Variants in MARCHF1 observed in about 807,000 individuals in gnomAD.
MARCHF1 encodes the protein E3 ubiquitin-protein ligase MARCHF1.
In MARCHF1, 40 loss-of-function variants were observed where a neutral mutation model predicts 54.2. The observed-to-expected ratio is 0.74, with a 90% CI of 0.57 to 0.96. MARCHF1 has a LOEUF of 0.96. MARCHF1 is among the 40% of genes least tolerant of loss of function. The pLI is 0.00. For synonymous variants in MARCHF1, 236 were observed against 236.3 expected, an observed-to-expected ratio of 1.00 and a Z score of 0.01; for missense variants, 586 against 656.5, an observed-to-expected ratio of 0.89 and a Z score of 1.17.
Position 164,213,395 on chromosome 4 carries a change from G to A in MARCHF1, c.-322-101733C>T, listed in dbSNP as rs183937885. 2.8e-3 allele frequency among the ~76,000 whole-genome samples: 427 copies of A among 151,718 alleles called. 1 individual carries two copies. Among genetic ancestry groups the A allele is most frequent in the Non-Finnish European group, 5.0e-3 (340 of 67,858 alleles). ...ACTACAGGTGCCTGCCACCATGCCC[G>A]GCTAAATTTTTGTATTTTTTTAGTA... On this transcript the variant is annotated intron_variant, in intron 1 of 9. Transcript: ENST00000514618.
At chr4:164,060,795 T>A (rs868718170) in intron 2 of MARCHF1, among the ~76,000 whole-genome samples, 1 of 152,198 alleles carries the variant, frequency 6.6e-6, no homozygotes, top group East Asian at 1.9e-4. Flanking sequence ...TGGACTCTTA[T>A]AAGCAACAAC....
chr4:164,072,467 G>A lies in MARCHF1; in HGVS notation c.-248+39121C>T, dbSNP rs533114029. ...TCCCAGCTACTCAGGAGGCTGAGGC[G>A]GGAGGATCACCTGAGCTCAGGAGTT... On this transcript the variant is annotated intron_variant, in intron 2 of 9. Transcript: ENST00000514618. Among the ~76,000 whole-genome samples, 76 of 152,138 alleles carry A rather than the reference G, an allele frequency of 5.0e-4. 1 individual carries two copies. The highest frequency in any genetic ancestry group is 1.6e-3 in the African/African-American group (65 of 41,524).
chr4:163,700,920 T>C (rs1744793130), intron 4 of MARCHF1, 57 bp from the exon 5 acceptor site: 7 of 1,201,828 alleles, frequency 5.8e-6, no homozygotes, highest in South Asian at 5.2e-5. Flanking sequence ...TTCACCATAC[T>C]GTACCACTGA....
chr4:164,070,995 G>A lies in MARCHF1; in HGVS notation c.-248+40593C>T, dbSNP rs541344693. ...TGCTTCTTTGTCATTTTCTCTTGCC[G>A]CTGCCATGTAAAAAGAGCCTTTCGC... On this transcript the variant is annotated intron_variant, in intron 2 of 9. Transcript: ENST00000514618. Among the ~76,000 whole-genome samples the A allele has an allele frequency of 8.5e-5, 13 of 152,194 alleles. No individual in the cohort carries two copies. In the East Asian group the frequency reaches 1.5e-3, roughly 18 times the overall value.
At chr4:163,660,922 C>T (rs565992436) in intron 5 of MARCHF1, among the ~76,000 whole-genome samples, 178 of 152,060 alleles carry the variant, frequency 1.2e-3, no homozygotes, top group African/African-American at 4.1e-3. Context: ...ATAATTTTCA[C>T]TCTGATTCTT....
At chr4:163,975,164 GCTCT>G (rs55675178) in intron 3 of MARCHF1, among the ~76,000 whole-genome samples, 10,388 of 126,748 alleles carry the variant, frequency 0.082, 472 homozygotes, top group Admixed American at 0.14. Flanking sequence ...TCATAATAAA[GCTCT>G]CTCTCTCTCT....
chr4:163,755,281 C>A (rs1455067834), intron 4 of MARCHF1, among the ~76,000 whole-genome samples: 1 of 152,174 alleles, frequency 6.6e-6, no homozygotes, highest in East Asian at 1.9e-4. Flanking sequence ...CTGCCCCCTA[C>A]TGATTAGCTT....
At chr4:163,539,991 A>G (rs1161593040) in intron 9 of MARCHF1, among the ~76,000 whole-genome samples, 1 of 152,136 alleles carries the variant, frequency 6.6e-6, no homozygotes, top group Non-Finnish European at 1.5e-5. Context: ...ACAGGGGCAT[A>G]CCTGTAACAT....
At chr4:163,751,708 A>G (rs536207868) in intron 4 of MARCHF1, among the ~76,000 whole-genome samples, 1 of 152,318 alleles carries the variant, frequency 6.6e-6, no homozygotes, top group South Asian at 2.1e-4. Flanking sequence ...AATGCACTTA[A>G]CATTCCTGAC....
chr4:163,964,458 C>T (rs1335890999), intron 3 of MARCHF1, among the ~76,000 whole-genome samples: 1 of 151,892 alleles, frequency 6.6e-6, no homozygotes, highest in Non-Finnish European at 1.5e-5. Flanking sequence ...CTTCATCTTC[C>T]AGAGTTTCTG....
intron 8 of MARCHF1, among the ~76,000 whole-genome samples, chr4:163,572,837 C>CCCTACATTTGTAT (rs752826788): frequency 1.5e-4 from 23 of 152,238 alleles, no homozygotes; most frequent in South Asian, 1.2e-3. Context: ...CTGTCTACCT[C>CCCTACATTTGTAT]CTGCCCTACA....
chr4:164,210,932 G>C (rs1308190320), intron 1 of MARCHF1, among the ~76,000 whole-genome samples: 1 of 152,076 alleles, frequency 6.6e-6, no homozygotes, highest in Non-Finnish European at 1.5e-5. Flanking sequence ...AGGACATTAT[G>C]CTAAGTAAAA....
At chr4:164,084,466 G>C (rs576261553) in intron 2 of MARCHF1, among the ~76,000 whole-genome samples, 2 of 151,762 alleles carry the variant, frequency 1.3e-5, no homozygotes, top group East Asian at 3.9e-4. Context: ...AAAAGTAAAA[G>C]AATTTCCACA....
chr4:164,163,676 G>A (rs1264057979), intron 1 of MARCHF1, among the ~76,000 whole-genome samples: 4 of 151,824 alleles, frequency 2.6e-5, no homozygotes, highest in Non-Finnish European at 5.9e-5. Flanking sequence ...TTATTTGAAT[G>A]AATGAGAGAA....
At chr4:164,333,669 C>T (rs1729638580) in intron 1 of MARCHF1, among the ~76,000 whole-genome samples, 1 of 152,132 alleles carries the variant, frequency 6.6e-6, no homozygotes, top group Admixed American at 6.6e-5. Context: ...TGAAATTAGT[C>T]CAATTAATAA....
At chr4:163,997,655 C>G (rs1169238029) in intron 2 of MARCHF1, among the ~76,000 whole-genome samples, 1 of 151,706 alleles carries the variant, frequency 6.6e-6, no homozygotes, top group East Asian at 1.9e-4. Context: ...AGAAATGGTT[C>G]CTTATATAGA....
chr4:163,770,016 C>G (rs549593055), intron 4 of MARCHF1, among the ~76,000 whole-genome samples: 1 of 152,066 alleles, frequency 6.6e-6, no homozygotes. Flanking sequence ...TGATTCACTT[C>G]CATTTAATGA....
chr4:163,789,015 C>T (rs1483912453), intron 4 of MARCHF1, among the ~76,000 whole-genome samples: 1 of 152,024 alleles, frequency 6.6e-6, no homozygotes, highest in Non-Finnish European at 1.5e-5. Context: ...ACAATTATTA[C>T]TGAGATGTTC....
At chr4:163,970,828 C>A (rs1454599693) in intron 3 of MARCHF1, among the ~76,000 whole-genome samples, 1 of 152,106 alleles carries the variant, frequency 6.6e-6, no homozygotes, top group African/African-American at 2.4e-5. Context: ...CTAAGACATA[C>A]CAATATATGC....
Sources: gnomAD v4.1 joint callset for allele counts (sites outside exome capture counted in the v4.1 genomes callset) on GRCh38, gnomAD v4.1.1 for gene constraint, MANE v1.5 for transcripts, NCBI Gene and HGNC (gene_info 2026-07-23, HGNC 2026-07-21) for gene names.